The following NXPH1 variants were observed in gnomAD, a reference collection of about 807,000 sequenced individuals.
NXPH1 encodes the protein neurexophilin-1.
Under a neutral mutation model 23.7 loss-of-function variants are expected in NXPH1, and 5 were observed. That is an observed-to-expected ratio of 0.21 (90% CI 0.11 to 0.44). NXPH1 has a LOEUF of 0.44. Ranked by LOEUF, NXPH1 falls within the 20% of genes least tolerant of loss-of-function variation. The probability of loss-of-function intolerance (pLI) is 0.99; values close to 1 mark genes in which losing one functional copy is unlikely to be tolerated. For missense variants in NXPH1, 324 were observed against 321.6 expected, an observed-to-expected ratio of 1.01 and a Z score of -0.06; for synonymous variants, 144 against 122.2, an observed-to-expected ratio of 1.18 and a Z score of -1.18.
At chr7:8,586,689 T>G (rs538370703) in intron 2 of NXPH1, among the ~76,000 whole-genome samples, 3 of 151,416 alleles carry the variant, frequency 2.0e-5, no homozygotes, top group East Asian at 1.9e-4. Context: ...ATACTGTAAG[T>G]TGGAGATTTA....
intron 2 of NXPH1, among the ~76,000 whole-genome samples, chr7:8,604,425 C>A (rs1013651152): frequency 6.6e-6 from 1 of 152,036 alleles, no homozygotes; most frequent in Non-Finnish European, 1.5e-5. Flanking sequence ...AAAATGGTTT[C>A]GCCTGCATTT....
At chr7:8,508,984 G>A (rs1817571905) in intron 2 of NXPH1, among the ~76,000 whole-genome samples, 1 of 152,018 alleles carries the variant, frequency 6.6e-6, no homozygotes, top group Non-Finnish European at 1.5e-5. Context: ...CCAAACAAGC[G>A]ATATTCGTAA....
intron 2 of NXPH1, among the ~76,000 whole-genome samples, chr7:8,703,753 CAG>C (rs1779663047): frequency 6.6e-6 from 1 of 152,068 alleles, no homozygotes; most frequent in African/African-American, 2.4e-5. Flanking sequence ...GTTAGATAAT[CAG>C]AGAGCTTTCA....
At chr7:8,478,807 G>A (rs1264817370) in intron 2 of NXPH1, among the ~76,000 whole-genome samples, 1 of 152,026 alleles carries the variant, frequency 6.6e-6, no homozygotes, top group East Asian at 1.9e-4. Flanking sequence ...TTTTTTGATA[G>A]CAATTCTTTA....
At chr7:8,466,801 G>C (rs561399837) in intron 2 of NXPH1, among the ~76,000 whole-genome samples, 1 of 152,080 alleles carries the variant, frequency 6.6e-6, no homozygotes, top group Admixed American at 6.5e-5. Context: ...TTCTGTTTCC[G>C]ACCTGCCCCT....
chr7:8,476,692 C>A (rs1429004165), intron 2 of NXPH1, among the ~76,000 whole-genome samples: 1 of 131,216 alleles, frequency 7.6e-6, no homozygotes, highest in Non-Finnish European at 1.6e-5. Context: ...TAAAAGGCTT[C>A]ATGTTAATAA....
chr7:8,674,274 A>C (rs1048980366), intron 2 of NXPH1, among the ~76,000 whole-genome samples: 3 of 152,046 alleles, frequency 2.0e-5, no homozygotes, highest in Non-Finnish European at 2.9e-5. Flanking sequence ...AAATGGAAAA[A>C]TTGAAGATGA....
chr7:8,460,958 C>A (rs539248774), intron 2 of NXPH1, among the ~76,000 whole-genome samples: 11 of 152,348 alleles, frequency 7.2e-5, no homozygotes, highest in African/African-American at 2.6e-4. Context: ...TCCTCAACTT[C>A]ATTTCCCTTA....
At chr7:8,444,424 T>C (rs912901406) in intron 2 of NXPH1, among the ~76,000 whole-genome samples, 8 of 152,168 alleles carry the variant, frequency 5.3e-5, no homozygotes, top group Admixed American at 4.6e-4. Context: ...TAGGACTGGG[T>C]ATAGGCCCCG....
intron 2 of NXPH1, among the ~76,000 whole-genome samples, chr7:8,524,111 A>G (rs1472917130): frequency 4.6e-5 from 7 of 151,852 alleles, no homozygotes; most frequent in Admixed American, 6.6e-5. Context: ...GCCCAGTGGC[A>G]GGCACCTGTA....
chr7:8,724,133 T>A (rs1477746932), intron 2 of NXPH1, among the ~76,000 whole-genome samples: 1 of 152,132 alleles, frequency 6.6e-6, no homozygotes, highest in Non-Finnish European at 1.5e-5. Context: ...TCCTTCCAGG[T>A]CACTAAAGCT....
chr7:8,568,735 C>A (rs979784096), intron 2 of NXPH1, among the ~76,000 whole-genome samples: 6 of 151,490 alleles, frequency 4.0e-5, no homozygotes, highest in Admixed American at 1.3e-4. Flanking sequence ...GAGTACCCTG[C>A]TGGTACTTGA....
chr7:8,575,918 G>C (rs1329942492), intron 2 of NXPH1, among the ~76,000 whole-genome samples: 1 of 152,008 alleles, frequency 6.6e-6, no homozygotes, highest in Non-Finnish European at 1.5e-5. Context: ...TCTTTATAGA[G>C]TGCTTGAAAG....
At chr7:8,700,988 A>G (rs146300625) in intron 2 of NXPH1, among the ~76,000 whole-genome samples, 2,663 of 152,144 alleles carry the variant, frequency 0.018, 30 homozygotes, top group African/African-American at 0.036. Flanking sequence ...TTTGTCTATA[A>G]ATAATGCTTT....
At chr7:8,603,856 TA>T (rs1257568340) in intron 2 of NXPH1, among the ~76,000 whole-genome samples, 2 of 152,318 alleles carry the variant, frequency 1.3e-5, no homozygotes, top group Admixed American at 1.3e-4. Context: ...TTTTATTGCT[TA>T]TTTATTCTTT....
At chr7:8,461,436 G>C (rs1816692314) in intron 2 of NXPH1, among the ~76,000 whole-genome samples, 1 of 152,206 alleles carries the variant, frequency 6.6e-6, no homozygotes, top group African/African-American at 2.4e-5. Context: ...AGCCTTTGTA[G>C]AGACTCTGAA....
chr7:8,530,379 A>G (rs1016394103), intron 2 of NXPH1, among the ~76,000 whole-genome samples: 1 of 152,240 alleles, frequency 6.6e-6, no homozygotes, highest in Non-Finnish European at 1.5e-5. Context: ...GATTGGTTCT[A>G]GGACTAATTA....
chr7:8,613,867 C>T (rs563735469), intron 2 of NXPH1, among the ~76,000 whole-genome samples: 1 of 151,902 alleles, frequency 6.6e-6, no homozygotes, highest in East Asian at 1.9e-4. Flanking sequence ...ATCATACACA[C>T]ACATATACAT....
chr7:8,504,426 G>T lies in NXPH1; in HGVS notation c.54+68659G>T, dbSNP rs141292499. On this transcript the variant is annotated intron_variant, in intron 2 of 2. Transcript: ENST00000405863. ...TGTGGATTTTCAGTCAAGTTCATAA[G>T]ACTCAATTAGATTTACTGAGCAGAA... is the stretch of plus-strand genomic sequence containing the variant. 5.2e-3 allele frequency among the ~76,000 whole-genome samples: 789 copies of T among 151,992 alleles called. 4 individuals are homozygous for T. The highest frequency in any genetic ancestry group is 0.018 in the African/African-American group (750 of 41,458).
Sources: gnomAD v4.1 joint callset for allele counts (sites outside exome capture counted in the v4.1 genomes callset) on GRCh38, gnomAD v4.1.1 for gene constraint, MANE v1.5 for transcripts, NCBI Gene and HGNC (gene_info 2026-07-23, HGNC 2026-07-21) for gene names.